Variants in PRKCE observed in about 807,000 individuals in gnomAD.
PRKCE encodes the protein protein kinase C epsilon.
A neutral mutation model predicts 85.4 loss-of-function variants in PRKCE; 16 were observed. The ratio of observed to expected loss-of-function variants is 0.19; its 90% CI spans 0.13 to 0.28. PRKCE has a LOEUF of 0.28. PRKCE is among the 10% of genes least tolerant of loss of function. The pLI is 1.00. For synonymous variants in PRKCE, 388 were observed against 371.5 expected (o/e 1.04, Z -0.51); for missense variants, 573 against 975.2 (o/e 0.59, Z 5.49).
At chr2:46,061,057 C>T (rs951342519) in intron 10 of PRKCE, among the ~76,000 whole-genome samples, 2 of 150,772 alleles carry the variant, frequency 1.3e-5, no homozygotes, top group South Asian at 2.1e-4. Context: ...CAACTGCGTC[C>T]GGCCAGATTT....
chr2:45,750,970 G>A (rs1683512278), intron 1 of PRKCE, among the ~76,000 whole-genome samples: 1 of 152,142 alleles, frequency 6.6e-6, no homozygotes, highest in South Asian at 2.1e-4. Flanking sequence ...CCTTCTGCTA[G>A]CTTTGTGTTT....
chr2:46,101,378 C>A (rs1671207601), intron 11 of PRKCE, among the ~76,000 whole-genome samples: 1 of 152,098 alleles, frequency 6.6e-6, no homozygotes, highest in South Asian at 2.1e-4. Flanking sequence ...GTGACCACTC[C>A]CGGAGAGATC....
chr2:45,709,289 G>A (rs1373008694), intron 1 of PRKCE, among the ~76,000 whole-genome samples: 1 of 152,240 alleles, frequency 6.6e-6, no homozygotes, highest in Non-Finnish European at 1.5e-5. Flanking sequence ...GCTCCAACCA[G>A]GCCAAGACCC....
At chr2:46,014,688 C>T (rs1264819966) in intron 10 of PRKCE, among the ~76,000 whole-genome samples, 1 of 152,102 alleles carries the variant, frequency 6.6e-6, no homozygotes, top group African/African-American at 2.4e-5. Context: ...GATTCTAGGG[C>T]TACAAAGCTA....
intron 1 of PRKCE, among the ~76,000 whole-genome samples, chr2:45,829,321 A>G (rs1297261231): frequency 2.0e-5 from 3 of 152,240 alleles, no homozygotes; most frequent in African/African-American, 7.2e-5. Context: ...CCCCATTCTC[A>G]TAAGTACTGC....
chr2:45,801,027 G>T (rs575173042), intron 1 of PRKCE, among the ~76,000 whole-genome samples: 2 of 152,276 alleles, frequency 1.3e-5, no homozygotes, highest in East Asian at 1.9e-4. Context: ...AATTAGTGGG[G>T]GGAAGGGCAT....
intron 1 of PRKCE, among the ~76,000 whole-genome samples, chr2:45,761,257 G>T (rs1044526051): frequency 7.3e-6 from 1 of 137,420 alleles, no homozygotes; most frequent in African/African-American, 2.7e-5. Flanking sequence ...AACCCGGGAG[G>T]CAGAGCTTGC....
chr2:45,933,936 C>T (rs1173189339), intron 2 of PRKCE, among the ~76,000 whole-genome samples: 2 of 152,172 alleles, frequency 1.3e-5, no homozygotes, highest in Non-Finnish European at 2.9e-5. Flanking sequence ...GTACTCCTGG[C>T]TTCAGGCATC....
intron 11 of PRKCE, among the ~76,000 whole-genome samples, chr2:46,096,817 G>A (rs544637212): frequency 1.3e-5 from 2 of 152,286 alleles, no homozygotes; most frequent in Non-Finnish European, 2.9e-5. Flanking sequence ...CTGGGCAAAT[G>A]ACCTCATCTC....
intron 1 of PRKCE, among the ~76,000 whole-genome samples, chr2:45,704,124 G>A (rs1052226236): frequency 3.3e-5 from 5 of 152,216 alleles, no homozygotes; most frequent in African/African-American, 1.2e-4. Flanking sequence ...GGAAGGCATG[G>A]CAGGGAGCAG....
chr2:45,703,552 T>TAAAGA (rs990606347), intron 1 of PRKCE, among the ~76,000 whole-genome samples: 1 of 148,916 alleles, frequency 6.7e-6, no homozygotes, highest in Admixed American at 6.7e-5. Flanking sequence ...AAAAAAAGAA[T>TAAAGA]AAAGAAAAGA....
intron 10 of PRKCE, among the ~76,000 whole-genome samples, chr2:46,012,618 A>C (rs1176107107): frequency 6.6e-6 from 1 of 152,120 alleles, no homozygotes; most frequent in Non-Finnish European, 1.5e-5. Context: ...TCTTTACACC[A>C]TTATCAAGAA....
chr2:45,771,880 C>G (rs770895940), intron 1 of PRKCE, among the ~76,000 whole-genome samples: 1 of 152,136 alleles, frequency 6.6e-6, no homozygotes, highest in Non-Finnish European at 1.5e-5. Context: ...GATGGTGGAG[C>G]TGGATCTGCA....
At chr2:45,672,851 C>T (rs1226240936) in intron 1 of PRKCE, among the ~76,000 whole-genome samples, 1 of 152,018 alleles carries the variant, frequency 6.6e-6, no homozygotes, top group Admixed American at 6.6e-5. Flanking sequence ...GTAGTAAGAG[C>T]CAGTCTCTAA....
chr2:45,942,348 G>T (rs2595196), intron 2 of PRKCE, among the ~76,000 whole-genome samples: 24,854 of 152,180 alleles, frequency 0.16, 2,723 homozygotes, highest in East Asian at 0.55. Context: ...ATGACATCAT[G>T]TGGCTGATGA....
At chr2:45,836,833 C>G (rs1476468584) in intron 1 of PRKCE, among the ~76,000 whole-genome samples, 1 of 152,242 alleles carries the variant, frequency 6.6e-6, no homozygotes, top group Non-Finnish European at 1.5e-5. Flanking sequence ...CCTTGTCCTT[C>G]TCATCCTTTC....
At position 45,931,825 on chromosome 2, in the gene PRKCE, G is replaced by A. The variant is rs1699067931; in HGVS notation, c.413-44604G>A. Among the ~76,000 whole-genome samples, 6 of 152,136 alleles carry A rather than the reference G, an allele frequency of 3.9e-5. No individual in the cohort carries two copies. In the South Asian group the frequency reaches 1.2e-3, roughly 32 times the overall value. On this transcript the variant is annotated intron_variant, in intron 2 of 14. Transcript: ENST00000306156. ...GGGTTGCAGCGATTCTCGTGCCTCA[G>A]CCTCCTCAATAGCTGGGACTACAGG...
At chr2:46,071,818 ACTTGG>A (rs1668107946) in intron 10 of PRKCE, among the ~76,000 whole-genome samples, 1 of 152,182 alleles carries the variant, frequency 6.6e-6, no homozygotes, top group Non-Finnish European at 1.5e-5. Flanking sequence ...TCTCTCCCTT[ACTTGG>A]TCTAACCACC....
intron 1 of PRKCE, among the ~76,000 whole-genome samples, chr2:45,655,846 GAAAAAAAA>G (rs34853762): frequency 1.5e-5 from 1 of 66,260 alleles, no homozygotes; most frequent in East Asian, 4.6e-4. Flanking sequence ...CCTGTCTCTT[GAAAAAAAA>G]AAAAAAAAAA....
Sources: gnomAD v4.1 joint callset for allele counts (sites outside exome capture counted in the v4.1 genomes callset) on GRCh38, gnomAD v4.1.1 for gene constraint, MANE v1.5 for transcripts, NCBI Gene and HGNC (gene_info 2026-07-23, HGNC 2026-07-21) for gene names.